The following KCND2 variants were observed in gnomAD, a reference collection of about 807,000 sequenced individuals.
KCND2 encodes the protein potassium voltage-gated channel subfamily D member 2.
KCND2 carries 16 observed loss-of-function variants against 54.4 expected under a neutral mutation model. The ratio of observed to expected loss-of-function variants is 0.29; its 90% CI spans 0.20 to 0.45. KCND2 has a LOEUF of 0.45. KCND2 is among the 20% of genes least tolerant of loss of function. KCND2 has a pLI of 1.00. For synonymous variants in KCND2, 317 were observed against 310.7 expected (o/e 1.02, Z -0.21); for missense variants, 486 against 824.2 (o/e 0.59, Z 5.02).
chr7:120,747,069 T>G (rs929090157), intron 5 of KCND2, among the ~76,000 whole-genome samples: 1 of 152,106 alleles, frequency 6.6e-6, no homozygotes, highest in Non-Finnish European at 1.5e-5. Flanking sequence ...AATAAAATAA[T>G]CAGTTTCAAG....
At chr7:120,280,779 T>A (rs1799248129) in intron 1 of KCND2, among the ~76,000 whole-genome samples, 1 of 152,126 alleles carries the variant, frequency 6.6e-6, no homozygotes, top group Admixed American at 6.6e-5. Context: ...CATTTTCTTC[T>A]GAAGACCCTA....
intron 1 of KCND2, among the ~76,000 whole-genome samples, chr7:120,450,935 C>T (rs1481753206): frequency 6.6e-6 from 1 of 152,162 alleles, no homozygotes; most frequent in Non-Finnish European, 1.5e-5. Flanking sequence ...ATGGCCATGC[C>T]ACAAGAATCA....
At chr7:120,528,217 C>T (rs185336646) in intron 1 of KCND2, among the ~76,000 whole-genome samples, 18 of 151,898 alleles carry the variant, frequency 1.2e-4, no homozygotes, top group East Asian at 5.8e-4. Flanking sequence ...TCTTTATAAA[C>T]GACAGCAGTT....
intron 1 of KCND2, among the ~76,000 whole-genome samples, chr7:120,706,380 C>T (rs1792468907): frequency 6.6e-6 from 1 of 152,156 alleles, no homozygotes; most frequent in Admixed American, 6.6e-5. Context: ...GTTCTGGATG[C>T]TGGGAAGCCC....
intron 1 of KCND2, among the ~76,000 whole-genome samples, chr7:120,340,391 C>A (rs1008046344): frequency 1.3e-5 from 2 of 152,122 alleles, no homozygotes; most frequent in African/African-American, 4.8e-5. Context: ...ATCAACTGAG[C>A]GGATGCTATT....
chr7:120,510,311 G>A (rs1237644330), intron 1 of KCND2, among the ~76,000 whole-genome samples: 1 of 152,084 alleles, frequency 6.6e-6, no homozygotes, highest in Non-Finnish European at 1.5e-5. Flanking sequence ...TAGAGAAGAA[G>A]AAACTGACTC....
intron 1 of KCND2, among the ~76,000 whole-genome samples, chr7:120,563,265 T>A (rs529246291): frequency 2.0e-5 from 3 of 152,078 alleles, no homozygotes; most frequent in Non-Finnish European, 4.4e-5. Context: ...AGAAAAAAAA[T>A]ACTGAAGTAG....
chr7:120,409,356 G>T (rs1801414002), intron 1 of KCND2, among the ~76,000 whole-genome samples: 2 of 151,860 alleles, frequency 1.3e-5, no homozygotes, highest in East Asian at 1.9e-4. Context: ...ATATACTATG[G>T]CTCTATGAAC....
At chr7:120,362,786 C>T (rs540261870) in intron 1 of KCND2, among the ~76,000 whole-genome samples, 75 of 152,160 alleles carry the variant, frequency 4.9e-4, no homozygotes, top group African/African-American at 1.4e-3. Context: ...TTCTAGCATC[C>T]GTTCAACAAT....
chr7:120,633,199 A>G (rs1430582730), intron 1 of KCND2, among the ~76,000 whole-genome samples: 2 of 152,188 alleles, frequency 1.3e-5, no homozygotes, highest in African/African-American at 4.8e-5. Flanking sequence ...TTTGTCCCCT[A>G]CTGCTTTTGT....
chr7:120,707,013 G>T (rs1792477373), intron 1 of KCND2, among the ~76,000 whole-genome samples: 1 of 152,006 alleles, frequency 6.6e-6, no homozygotes, highest in Non-Finnish European at 1.5e-5. Context: ...ACTATTACAG[G>T]TTTATTTTCT....
intron 1 of KCND2, among the ~76,000 whole-genome samples, chr7:120,443,828 A>G (rs1377569116): frequency 6.6e-6 from 1 of 152,050 alleles, no homozygotes; most frequent in African/African-American, 2.4e-5. Context: ...TGTGTCACTA[A>G]TTACAGAATT....
At chr7:120,529,068 C>T (rs1206747168) in intron 1 of KCND2, among the ~76,000 whole-genome samples, 1 of 152,150 alleles carries the variant, frequency 6.6e-6, no homozygotes, top group Non-Finnish European at 1.5e-5. Flanking sequence ...TTCACTACAA[C>T]CAGTAACTCT....
At chr7:120,567,578 A>G (rs973188561) in intron 1 of KCND2, among the ~76,000 whole-genome samples, 6 of 152,298 alleles carry the variant, frequency 3.9e-5, no homozygotes, top group East Asian at 3.9e-4. Context: ...AACTTCTGCA[A>G]TCACCTATTT....
intron 1 of KCND2, among the ~76,000 whole-genome samples, chr7:120,343,298 C>T (rs1800268546): frequency 6.6e-6 from 1 of 152,030 alleles, no homozygotes; most frequent in Non-Finnish European, 1.5e-5. Context: ...AGAGTTGATG[C>T]ATTACTAGAT....
chr7:120,656,407 A>T (rs1037339939), intron 1 of KCND2, among the ~76,000 whole-genome samples: 3 of 152,220 alleles, frequency 2.0e-5, no homozygotes, highest in African/African-American at 7.2e-5. Context: ...TTACCCAATG[A>T]AACATGGAAG....
intron 1 of KCND2, among the ~76,000 whole-genome samples, chr7:120,678,392 G>A (rs944517070): frequency 8.0e-6 from 1 of 124,784 alleles, no homozygotes; most frequent in Non-Finnish European, 1.7e-5. Flanking sequence ...CACATATATA[G>A]ACACATACAC....
intron 1 of KCND2, among the ~76,000 whole-genome samples, chr7:120,636,376 T>G (rs1157103727): frequency 6.6e-6 from 1 of 152,122 alleles, no homozygotes. Flanking sequence ...ATAAGTGCTC[T>G]TCCTCATTAT....
Position 120,747,966 on chromosome 7 carries a change from A to AAAG in KCND2, c.*109_*110insAGA, listed in dbSNP as rs1487685488. ...ATTCTGCAGATTAATGCAGCAAAGA[A>AAAG]AGAAGGTTGGTAGTGAAACACAAAG... On this transcript the variant is annotated 3_prime_UTR_variant, in exon 6 of 6. Coordinates refer to ENST00000331113, the MANE Select transcript of KCND2 (RefSeq NM_012281.3). 4.3e-6 allele frequency: 4 copies of AAAG among 927,366 alleles called. No individual in the cohort carries two copies. In the African/African-American group the frequency reaches 6.7e-5, roughly 15 times the overall value. 57.4% of individuals were successfully genotyped at this position (927,366 alleles called of 1,614,324 possible). A position where few individuals can be genotyped will look rare whatever the true frequency, so the allele number is the denominator to read the frequency against.
Sources: gnomAD v4.1 joint callset for allele counts (sites outside exome capture counted in the v4.1 genomes callset) on GRCh38, gnomAD v4.1.1 for gene constraint, MANE v1.5 for transcripts, NCBI Gene and HGNC (gene_info 2026-07-23, HGNC 2026-07-21) for gene names.